UNC5D: variants seen among roughly 807,000 people sequenced by gnomAD.
The protein encoded by UNC5D is netrin receptor UNC5D.
UNC5D carries 39 observed loss-of-function variants against 105.4 expected under a neutral mutation model. The ratio of observed to expected loss-of-function variants is 0.37; its 90% CI spans 0.29 to 0.48. UNC5D has a LOEUF of 0.48. Ranked by LOEUF, UNC5D falls within the 20% of genes least tolerant of loss-of-function variation. UNC5D has a pLI of 0.98. For missense variants in UNC5D, 991 were observed against 1,202.4 expected (o/e 0.82, Z 2.60); for synonymous variants, 452 against 450.4 (o/e 1.00, Z -0.04).
chr8:35,254,311 A>G (rs151024208), intron 1 of UNC5D: 1 of 152,332 alleles, frequency 6.6e-6, no homozygotes, highest in East Asian at 1.9e-4. Context: ...TTGCCCATCC[A>G]TGATCACTGA....
At chr8:35,246,140 G>A (rs990555089) in intron 1 of UNC5D, among the ~76,000 whole-genome samples, 1 of 152,080 alleles carries the variant, frequency 6.6e-6, no homozygotes, top group African/African-American at 2.4e-5. Context: ...TTATTTGTAG[G>A]AGAAGCAGTG....
At chr8:35,699,478 G>A (rs1397294482) in intron 7 of UNC5D, among the ~76,000 whole-genome samples, 1 of 152,108 alleles carries the variant, frequency 6.6e-6, no homozygotes, top group Non-Finnish European at 1.5e-5. Context: ...ATTTACTAAT[G>A]TGCATCTCAA....
intron 8 of UNC5D, among the ~76,000 whole-genome samples, chr8:35,708,084 A>G (rs1827707799): frequency 6.6e-6 from 1 of 152,134 alleles, no homozygotes; most frequent in African/African-American, 2.4e-5. Context: ...TGCAAAATCA[A>G]AGTCAATTAT....
chr8:35,721,028 C>T (rs886168286), intron 8 of UNC5D, among the ~76,000 whole-genome samples: 11 of 152,138 alleles, frequency 7.2e-5, no homozygotes. Context: ...CATTTGATAA[C>T]ATAAGTACCA....
At chr8:35,269,706 G>A (rs764627675) in intron 1 of UNC5D, among the ~76,000 whole-genome samples, 1 of 152,024 alleles carries the variant, frequency 6.6e-6, no homozygotes, top group African/African-American at 2.4e-5. Context: ...GCCTCCCATC[G>A]CCGGTTTGGG....
chr8:35,549,211 G>A, intron 1 of UNC5D, 81 bp from the exon 2 acceptor site: 1 of 1,291,404 alleles, frequency 7.7e-7, no homozygotes, highest in Non-Finnish European at 1.1e-6. Context: ...GAATCTTAGA[G>A]CTGGTGCAGG....
intron 1 of UNC5D, among the ~76,000 whole-genome samples, chr8:35,522,070 C>T (rs1813523309): frequency 6.6e-6 from 1 of 152,182 alleles, no homozygotes; most frequent in Non-Finnish European, 1.5e-5. Context: ...TTTCATAACA[C>T]CATGCTCCCC....
intron 1 of UNC5D, among the ~76,000 whole-genome samples, chr8:35,428,007 G>A (rs1043620630): frequency 2.4e-4 from 37 of 152,240 alleles, no homozygotes; most frequent in African/African-American, 7.7e-4. Flanking sequence ...GAAATATTTT[G>A]TGGAAGCTCA....
intron 4 of UNC5D, among the ~76,000 whole-genome samples, chr8:35,649,859 A>G (rs2131174468): frequency 6.6e-6 from 1 of 152,338 alleles, no homozygotes; most frequent in East Asian, 1.9e-4. Flanking sequence ...GACATAAAGC[A>G]GAAGAGCCTG....
At chr8:35,595,777 C>A (rs1308671680) in intron 4 of UNC5D, 120 bp downstream of exon 4, 13 of 820,634 alleles carry the variant, frequency 1.6e-5, no homozygotes, top group Middle Eastern at 3.2e-4. Flanking sequence ...TTCTTGTTGC[C>A]TGGGCTCAGT....
At chr8:35,359,419 G>C (rs964589088) in intron 1 of UNC5D, among the ~76,000 whole-genome samples, 13 of 152,102 alleles carry the variant, frequency 8.5e-5, no homozygotes, top group African/African-American at 3.1e-4. Context: ...AAGTCTCTTT[G>C]AATGTATCTT....
chr8:35,474,104 C>T (rs1809920455), intron 1 of UNC5D, among the ~76,000 whole-genome samples: 1 of 152,296 alleles, frequency 6.6e-6, no homozygotes. Context: ...AATACAGGAC[C>T]TTTGGAGGAC....
Position 35,759,455 on chromosome 8 carries a change from T to C in UNC5D, c.2299T>C (p.Phe767Leu). The C allele has an allele frequency of 6.2e-7, 1 of 1,613,530 alleles. No individual in the cohort carries two copies. The highest frequency in any genetic ancestry group is 8.5e-7 in the Non-Finnish European group (1 of 1,179,818). ...CCCATTCCTCTGGAGAATTAAACCATTCACTGCCTGCCAGGTACTGGCCAA... is the reference window on the plus strand; with the variant it reads ...CCCATTCCTCTGGAGAATTAAACCACTCACTGCCTGCCAGGTACTGGCCAA... ...IPPFLWRIKP[F>L]TACQEVPFSR... is the part of the protein sequence containing the mutation. Residue 767 changes from phenylalanine (F) to leucine (L), a missense_variant, in exon 14 of 17, where the codon TTC becomes CTC. Around this residue, in one of 3 missense-constraint regions of UNC5D, gnomAD observed 944 missense variants for 1,131.6 expected, o/e 0.83. Transcript: ENST00000404895.
chr8:35,421,637 T>C (rs897449198), intron 1 of UNC5D, among the ~76,000 whole-genome samples: 1 of 152,168 alleles, frequency 6.6e-6, no homozygotes, highest in African/African-American at 2.4e-5. Flanking sequence ...CATGTATTTG[T>C]ATAGTTGTAA....
chr8:35,593,837 C>G (rs1310929622), intron 3 of UNC5D, among the ~76,000 whole-genome samples: 1 of 152,188 alleles, frequency 6.6e-6, no homozygotes, highest in Non-Finnish European at 1.5e-5. Flanking sequence ...GTCACTCTTG[C>G]TCTATGATAG....
rs949032209 is a variant in UNC5D at position 35,308,011 on chromosome 8, A to T, written c.103+72124A>T. On this transcript the variant is annotated intron_variant, in intron 1 of 16. Coordinates refer to ENST00000404895, the MANE Select transcript of UNC5D (RefSeq NM_080872.4). ...CATTTGCTATAGAGGCAACTTTTTC[A>T]TACCAGTTTGATTATGCTTTATATA... Among the ~76,000 whole-genome samples the T allele has an allele frequency of 3.3e-5, 5 of 152,126 alleles. No homozygotes were observed. In the East Asian group the frequency reaches 9.7e-4, roughly 30 times the overall value.
intron 1 of UNC5D, among the ~76,000 whole-genome samples, chr8:35,500,017 C>T (rs1003133149): frequency 2.0e-5 from 3 of 152,180 alleles, no homozygotes; most frequent in African/African-American, 7.2e-5. Context: ...AAACCCTAAA[C>T]AGTATTGAAC....
At chr8:35,577,784 C>T (rs1673130590) in intron 3 of UNC5D, among the ~76,000 whole-genome samples, 1 of 152,096 alleles carries the variant, frequency 6.6e-6, no homozygotes, top group Non-Finnish European at 1.5e-5. Context: ...TAGATAATAG[C>T]ATTGCAAAGG....
intron 1 of UNC5D, among the ~76,000 whole-genome samples, chr8:35,368,800 T>TAGAA (rs1417533706): frequency 6.6e-6 from 1 of 151,922 alleles, no homozygotes; most frequent in Non-Finnish European, 1.5e-5. Flanking sequence ...CAAGAGACAG[T>TAGAA]AGAAAGCTTC....
Sources: gnomAD v4.1 joint callset for allele counts (sites outside exome capture counted in the v4.1 genomes callset) on GRCh38, gnomAD v4.1.1 for gene constraint, gnomAD v4.1.1 regional missense constraint, MANE v1.5 for transcripts, NCBI Gene and HGNC (gene_info 2026-07-23, HGNC 2026-07-21) for gene names.